Variants in CERS6 observed in about 807,000 individuals in gnomAD.
CERS6 encodes the protein ceramide synthase 6.
Under a neutral mutation model 56.8 loss-of-function variants are expected in CERS6, and 26 were observed. The ratio of observed to expected loss-of-function variants is 0.46; its 90% confidence interval spans 0.34 to 0.63. The LOEUF is 0.63. Ranked by LOEUF, CERS6 falls within the 30% of genes least tolerant of loss-of-function variation. CERS6 has a pLI of 0.01. For synonymous variants in CERS6, 164 were observed against 173.3 expected (o/e 0.95, Z 0.42); for missense variants, 415 against 467.5 (o/e 0.89, Z 1.04).
chr2:168,685,228 A>G (rs1686318210), intron 4 of CERS6, among the ~76,000 whole-genome samples: 1 of 152,200 alleles, frequency 6.6e-6, no homozygotes, highest in African/African-American at 2.4e-5. Flanking sequence ...TACATCTTTG[A>G]TGAGGCAACA....
intron 4 of CERS6, among the ~76,000 whole-genome samples, 189 bp from the exon 5 acceptor site, chr2:168,690,845 A>AGAG (rs1686481444): frequency 1.3e-5 from 2 of 152,196 alleles, no homozygotes; most frequent in African/African-American, 4.8e-5. Flanking sequence ...TTAACTTACC[A>AGAG]AGAGAGAATA....
intron 8 of CERS6, among the ~76,000 whole-genome samples, chr2:168,763,552 G>A (rs566324001): frequency 3.9e-5 from 6 of 152,166 alleles, no homozygotes; most frequent in African/African-American, 7.2e-5. Flanking sequence ...GTGAGCCATC[G>A]TGCCTGGCCT....
intron 8 of CERS6, among the ~76,000 whole-genome samples, chr2:168,753,019 T>C (rs945903462): frequency 6.6e-6 from 1 of 152,172 alleles, no homozygotes; most frequent in Non-Finnish European, 1.5e-5. Flanking sequence ...ACAAGTGAAA[T>C]TTTAAGTAAA....
At chr2:168,586,867 G>A (rs1437990757) in intron 3 of CERS6, among the ~76,000 whole-genome samples, 1 of 152,120 alleles carries the variant, frequency 6.6e-6, no homozygotes, top group Non-Finnish European at 1.5e-5. Context: ...TATACTAGGG[G>A]TCCTTAATAA....
intron 4 of CERS6, 63 bp from the exon 5 acceptor site, chr2:168,690,971 A>T: frequency 6.8e-7 from 1 of 1,461,340 alleles, no homozygotes; most frequent in Non-Finnish European, 9.6e-7. Flanking sequence ...CCTATTGTAA[A>T]CCTTTTTTAT....
At chr2:168,529,633 A>C (rs958703689) in intron 1 of CERS6, among the ~76,000 whole-genome samples, 2 of 152,230 alleles carry the variant, frequency 1.3e-5, no homozygotes, top group African/African-American at 4.8e-5. Flanking sequence ...TAGAGGGCTC[A>C]GTCCTTGGAG....
Position 168,637,348 on chromosome 2 carries a change from G to C in CERS6, c.465+6306G>C, listed in dbSNP as rs995077563. Reference sequence around the variant, plus strand: ...GAAAAAAAAAGTAGCCAGGTTTGGTGGCACACGCCTATAGTCCCAGCTACT... The same window carrying C: ...GAAAAAAAAAGTAGCCAGGTTTGGTCGCACACGCCTATAGTCCCAGCTACT... On this transcript the variant is annotated intron_variant, in intron 4 of 9. Coordinates refer to ENST00000305747, the MANE Select transcript of CERS6 (RefSeq NM_203463.3). 4.6e-5 allele frequency among the ~76,000 whole-genome samples: 7 copies of C among 152,262 alleles called. 1 individual carries two copies. Among genetic ancestry groups the C allele is most frequent in the African/African-American group, 1.7e-4 (7 of 41,562 alleles).
chr2:168,493,398 A>G (rs1409535659), intron 1 of CERS6, among the ~76,000 whole-genome samples: 1 of 152,072 alleles, frequency 6.6e-6, no homozygotes, highest in Non-Finnish European at 1.5e-5. Flanking sequence ...CTACCAAGGT[A>G]GGGCAGATCA....
At chr2:168,504,789 A>T (rs1221266678) in intron 1 of CERS6, among the ~76,000 whole-genome samples, 1 of 152,066 alleles carries the variant, frequency 6.6e-6, no homozygotes, top group Non-Finnish European at 1.5e-5. Context: ...TCCCTTGGAG[A>T]GGAAATCATT....
chr2:168,725,854 CTA>C (rs1290123788), intron 8 of CERS6, among the ~76,000 whole-genome samples: 1 of 152,198 alleles, frequency 6.6e-6, no homozygotes, highest in Non-Finnish European at 1.5e-5. Context: ...ACTCAAAAAT[CTA>C]TGCATTGTAG....
At chr2:168,715,193 T>C in intron 7 of CERS6, 64 bp downstream of exon 7, 1 of 1,459,784 alleles carries the variant, frequency 6.9e-7, no homozygotes, top group Non-Finnish European at 9.4e-7. Flanking sequence ...CCAATCTCAT[T>C]AGCTCTTCAG....
At chr2:168,569,790 C>T (rs1030709462) in intron 3 of CERS6, among the ~76,000 whole-genome samples, 46 of 152,102 alleles carry the variant, frequency 3.0e-4, no homozygotes, top group Non-Finnish European at 2.6e-4. Flanking sequence ...AAAAACCTCT[C>T]GGGTATTTGG....
chr2:168,472,196 A>G (rs771955921), intron 1 of CERS6, among the ~76,000 whole-genome samples: 1 of 152,216 alleles, frequency 6.6e-6, no homozygotes, highest in Non-Finnish European at 1.5e-5. Context: ...TCTAAAGCAG[A>G]CTTTTTATTC....
chr2:168,597,306 C>T (rs551164949), intron 3 of CERS6, among the ~76,000 whole-genome samples: 1 of 152,264 alleles, frequency 6.6e-6, no homozygotes, highest in Non-Finnish European at 1.5e-5. Flanking sequence ...ATATTTAAAG[C>T]ACCCTCTAAC....
intron 8 of CERS6, among the ~76,000 whole-genome samples, chr2:168,745,646 G>C (rs777290884): frequency 6.6e-6 from 1 of 152,176 alleles, no homozygotes; most frequent in Non-Finnish European, 1.5e-5. Flanking sequence ...CCCACAGACT[G>C]TATGTCTAAA....
At chr2:168,606,883 C>G (rs1301617390) in intron 3 of CERS6, among the ~76,000 whole-genome samples, 1 of 152,118 alleles carries the variant, frequency 6.6e-6, no homozygotes, top group Non-Finnish European at 1.5e-5. Context: ...CACCTTCCCC[C>G]TCTCTCTCTT....
intron 6 of CERS6, among the ~76,000 whole-genome samples, chr2:168,704,465 CTCTG>C (rs1686882873): frequency 6.6e-6 from 1 of 152,226 alleles, no homozygotes; most frequent in East Asian, 1.9e-4. Flanking sequence ...CCGTTTATAG[CTCTG>C]TCTCTCTCCC....
chr2:168,474,267 G>A (rs1694028910), intron 1 of CERS6, among the ~76,000 whole-genome samples: 1 of 152,116 alleles, frequency 6.6e-6, no homozygotes, highest in Non-Finnish European at 1.5e-5. Flanking sequence ...AATGCTATAG[G>A]AAACAATGCA....
At chr2:168,515,710 G>C (rs891171818) in intron 1 of CERS6, among the ~76,000 whole-genome samples, 3 of 152,208 alleles carry the variant, frequency 2.0e-5, no homozygotes, top group African/African-American at 7.2e-5. Flanking sequence ...TAGAAGTCAG[G>C]ATCAGTGGGT....
Sources: gnomAD v4.1 joint callset for allele counts (sites outside exome capture counted in the v4.1 genomes callset) on GRCh38, gnomAD v4.1.1 for gene constraint, MANE v1.5 for transcripts, NCBI Gene and HGNC (gene_info 2026-07-23, HGNC 2026-07-21) for gene names.